The following ADAMTSL1 variants were observed in gnomAD, a reference collection of about 807,000 sequenced individuals.
ADAMTSL1 encodes the protein ADAMTS-like protein 1.
Under a neutral mutation model 201.8 loss-of-function variants are expected in ADAMTSL1, and 126 were observed. The ratio of observed to expected loss-of-function variants is 0.62; its 90% CI spans 0.54 to 0.72. The LOEUF (loss-of-function observed/expected upper bound fraction) is 0.72, where lower values mean the gene tolerates loss of function less well. Among genes scored for constraint, ADAMTSL1 ranks in the 30% least tolerant of loss-of-function variants. The pLI, the probability that ADAMTSL1 is intolerant of heterozygous loss-of-function variation, is 0.00. For synonymous variants in ADAMTSL1, 1,121 were observed against 903.4 expected (o/e 1.24, Z -4.32); for missense variants, 2,679 against 2,277.8 (o/e 1.18, Z -3.59).
intron 4 of ADAMTSL1, among the ~76,000 whole-genome samples, chr9:18,578,799 G>A (rs371676571): frequency 0.02 from 2,979 of 151,024 alleles, 38 homozygotes; most frequent in Non-Finnish European, 0.03. Context: ...CTGAGGAATC[G>A]CCACACTGAC....
chr9:18,287,495 T>C lies in ADAMTSL1; in HGVS notation c.207+123514T>C, dbSNP rs375898382. On this transcript the variant is annotated intron_variant, in intron 2 of 29. Coordinates refer to the ADAMTSL1 transcript ENST00000680146. ...TGTATGTTCAGATATGTAATGCATG[T>C]ATTTATATGTGCACATATGTAATAT... Among the ~76,000 whole-genome samples the C allele has an allele frequency of 1.1e-4, 17 of 151,716 alleles. No individual in the cohort carries two copies. In the East Asian group the frequency reaches 1.5e-3, roughly 14 times the overall value.
At chr9:18,233,053 G>A (rs887028979) in intron 2 of ADAMTSL1, among the ~76,000 whole-genome samples, 11 of 152,114 alleles carry the variant, frequency 7.2e-5, no homozygotes, top group Admixed American at 2.6e-4. Context: ...GAAACTCTGC[G>A]AGGTTCCTCA....
intron 21 of ADAMTSL1, 108 bp from the exon 22 acceptor site, chr9:18,826,176 A>G: frequency 7.6e-7 from 1 of 1,315,260 alleles, no homozygotes; most frequent in African/African-American, 1.5e-5. Context: ...ATGTCCCTGT[A>G]GAGCAGCCCC....
At chr9:18,237,736 C>A (rs1180692933) in intron 2 of ADAMTSL1, among the ~76,000 whole-genome samples, 1 of 152,226 alleles carries the variant, frequency 6.6e-6, no homozygotes, top group African/African-American at 2.4e-5. Context: ...TCTGTAACCT[C>A]ATTAAATTAT....
At chr9:18,671,976 G>T (rs1829845034) in intron 9 of ADAMTSL1, among the ~76,000 whole-genome samples, 1 of 152,096 alleles carries the variant, frequency 6.6e-6, no homozygotes, top group Non-Finnish European at 1.5e-5. Context: ...GGAGGAGTTT[G>T]CAGTGAGCCG....
chr9:18,385,601 A>G (rs1306252937), intron 2 of ADAMTSL1, among the ~76,000 whole-genome samples: 1 of 152,242 alleles, frequency 6.6e-6, no homozygotes, highest in Non-Finnish European at 1.5e-5. Context: ...TACCTTTTCC[A>G]TACAAGAGTT....
intron 2 of ADAMTSL1, among the ~76,000 whole-genome samples, chr9:18,176,007 C>CGAAAA (rs1491214278): frequency 1.6e-5 from 1 of 62,578 alleles, no homozygotes. Context: ...AGAGGGAAAG[C>CGAAAA]AAAAAAAAAA....
intron 2 of ADAMTSL1, among the ~76,000 whole-genome samples, chr9:18,463,279 A>G (rs117604589): frequency 2.2e-3 from 328 of 152,322 alleles, no homozygotes; most frequent in Middle Eastern, 6.8e-3. Context: ...AAGATTTAAG[A>G]GTTCATACAG....
At chr9:18,127,349 A>G (rs1224371842) in intron 1 of ADAMTSL1, among the ~76,000 whole-genome samples, 2 of 152,188 alleles carry the variant, frequency 1.3e-5, no homozygotes, top group African/African-American at 4.8e-5. Flanking sequence ...TGTAATGGTC[A>G]TGTAAAATGA....
At chr9:18,663,172 T>C (rs1829211420) in intron 9 of ADAMTSL1, among the ~76,000 whole-genome samples, 1 of 152,192 alleles carries the variant, frequency 6.6e-6, no homozygotes, top group South Asian at 2.1e-4. Flanking sequence ...TCCTCTACTC[T>C]TTTATCTTTA....
At chr9:18,709,701 T>C (rs1203934857) in intron 14 of ADAMTSL1, among the ~76,000 whole-genome samples, 1 of 152,122 alleles carries the variant, frequency 6.6e-6, no homozygotes, top group African/African-American at 2.4e-5. Context: ...CAACTGTCAC[T>C]TCCTTGTTAG....
At chr9:17,971,694 A>G (rs998680531) in intron 1 of ADAMTSL1, among the ~76,000 whole-genome samples, 1 of 151,956 alleles carries the variant, frequency 6.6e-6, no homozygotes, top group African/African-American at 2.4e-5. Flanking sequence ...ATTCAATTTT[A>G]TTTTATAAAA....
At chr9:17,917,613 C>A (rs1826146847) in intron 1 of ADAMTSL1, among the ~76,000 whole-genome samples, 1 of 151,938 alleles carries the variant, frequency 6.6e-6, no homozygotes, top group Admixed American at 6.6e-5. Context: ...AGAATTTTTA[C>A]ATCTATGTCC....
chr9:18,468,577 T>C (rs1478809375), intron 2 of ADAMTSL1, among the ~76,000 whole-genome samples: 1 of 152,088 alleles, frequency 6.6e-6, no homozygotes, highest in African/African-American at 2.4e-5. Context: ...ATAACTCTCA[T>C]TGTCCAAAAG....
At chr9:18,157,348 T>C (rs1439235749) in intron 1 of ADAMTSL1, among the ~76,000 whole-genome samples, 1 of 152,034 alleles carries the variant, frequency 6.6e-6, no homozygotes, top group African/African-American at 2.4e-5. Context: ...TCCTGTCTTG[T>C]CAAGGTGTAG....
At chr9:18,055,757 G>T (rs1822154423) in intron 1 of ADAMTSL1, among the ~76,000 whole-genome samples, 1 of 152,228 alleles carries the variant, frequency 6.6e-6, no homozygotes, top group South Asian at 2.1e-4. Context: ...TAGAGAAGAA[G>T]AATGAGGTAA....
chr9:17,926,182 A>G (rs1826518552), intron 1 of ADAMTSL1, among the ~76,000 whole-genome samples: 1 of 152,192 alleles, frequency 6.6e-6, no homozygotes, highest in African/African-American at 2.4e-5. Context: ...AAGAATGACT[A>G]TTGTGATGTT....
chr9:18,308,449 T>A (rs1747427567), intron 2 of ADAMTSL1, among the ~76,000 whole-genome samples: 1 of 152,052 alleles, frequency 6.6e-6, no homozygotes, highest in East Asian at 1.9e-4. Context: ...CTGGCCAGAC[T>A]ACTAAAGGAG....
rs1453698179 is a variant in ADAMTSL1, at chr9:18,713,512, A to G, written c.1876+6464A>G. ...CAAAAGAGACAAAGAAGGCCATTAC[A>G]TAATAGTAAAGGGATCAATTCAACA... On this transcript the variant is annotated intron_variant, in intron 14 of 28. Transcript: ENST00000380548. 1.6e-4 allele frequency among the ~76,000 whole-genome samples: 25 copies of G among 152,242 alleles called. No homozygotes were observed. In the East Asian group the frequency reaches 4.8e-3, roughly 29 times the overall value.
Sources: gnomAD v4.1 joint callset for allele counts (sites outside exome capture counted in the v4.1 genomes callset) on GRCh38, gnomAD v4.1.1 for gene constraint, MANE v1.5 for transcripts, NCBI Gene and HGNC (gene_info 2026-07-23, HGNC 2026-07-21) for gene names.